The following SNTB2 variants were observed in gnomAD, a reference collection of about 807,000 sequenced individuals.
SNTB2 encodes syntrophin beta 2, also known as beta-2-syntrophin.
A neutral mutation model predicts 46.2 loss-of-function variants in SNTB2; 34 were observed. The observed-to-expected ratio is 0.74, with a 90% CI of 0.56 to 0.98. The LOEUF (loss-of-function observed/expected upper bound fraction) is 0.98, where lower values mean the gene tolerates loss of function less well. Among genes scored for constraint, SNTB2 ranks in the 50% least tolerant of loss-of-function variants. The probability of loss-of-function intolerance (pLI) is 0.00; values close to 1 mark genes in which losing one functional copy is unlikely to be tolerated. For synonymous variants in SNTB2, 290 were observed against 312.6 expected (o/e 0.93, Z 0.76); for missense variants, 603 against 731.4 (o/e 0.82, Z 2.02).
At chr16:69,232,502 C>CTTTTTTT (rs1032986410) in intron 1 of SNTB2, among the ~76,000 whole-genome samples, 2 of 63,884 alleles carry the variant, frequency 3.1e-5, no homozygotes, top group Non-Finnish European at 6.0e-5. Flanking sequence ...ACGGTGCGGC[C>CTTTTTTT]TTTTTTTTTT....
intron 2 of SNTB2, among the ~76,000 whole-genome samples, chr16:69,259,524 C>T (rs1470275541): frequency 7.9e-5 from 12 of 151,526 alleles, no homozygotes; most frequent in African/African-American, 2.4e-4. Context: ...AGTGAGCCAC[C>T]GTGCCCGGCC....
intron 4 of SNTB2, among the ~76,000 whole-genome samples, chr16:69,283,542 A>AAT (rs1276040336): frequency 6.6e-6 from 1 of 152,186 alleles, no homozygotes; most frequent in Admixed American, 6.5e-5. Flanking sequence ...TGATGCTAAA[A>AAT]ATATATATAT....
chr16:69,299,233 C>T (rs1310762445), intron 5 of SNTB2, among the ~76,000 whole-genome samples: 2 of 151,742 alleles, frequency 1.3e-5, no homozygotes, highest in Admixed American at 1.3e-4. Flanking sequence ...ACGTCCGCCT[C>T]CCGGGTGCAA....
At chr16:69,220,967 T>C (rs1416282537) in intron 1 of SNTB2, among the ~76,000 whole-genome samples, 1 of 152,218 alleles carries the variant, frequency 6.6e-6, no homozygotes, top group African/African-American at 2.4e-5. Flanking sequence ...AGAGCCAGTC[T>C]CTAGCAACCA....
intron 5 of SNTB2, among the ~76,000 whole-genome samples, chr16:69,296,672 A>G (rs1038174974): frequency 1.3e-5 from 2 of 149,872 alleles, no homozygotes; most frequent in African/African-American, 4.9e-5. Context: ...CAGTGAGCCG[A>G]GATCATGCCA....
In SNTB2 at chr16:69,276,456, G is replaced by A. The variant is rs112161410; in HGVS notation, c.1148+6171G>A. Among the ~76,000 whole-genome samples the A allele has an allele frequency of 7.9e-3, 1,209 of 152,296 alleles. 22 individuals are homozygous for A. The highest frequency in any genetic ancestry group is 0.026 in the African/African-American group (1,067 of 41,562). On this transcript the variant is annotated intron_variant, in intron 4 of 6. Coordinates refer to ENST00000336278, the MANE Select transcript of SNTB2 (RefSeq NM_006750.4). ...AGGAAAAAATTCTCTTAGACTTTACGTTTTTTAATGTCTGTTTTGGGATTA... is the reference window on the plus strand; with the variant it reads ...AGGAAAAAATTCTCTTAGACTTTACATTTTTTAATGTCTGTTTTGGGATTA...
intron 1 of SNTB2, among the ~76,000 whole-genome samples, chr16:69,215,243 G>A (rs1221905367): frequency 6.6e-6 from 1 of 152,162 alleles, no homozygotes; most frequent in Non-Finnish European, 1.5e-5. Context: ...AAATTAGCCA[G>A]GTGTGGTGAT....
At chr16:69,195,124 A>G (rs554967447) in intron 1 of SNTB2, among the ~76,000 whole-genome samples, 96 of 152,332 alleles carry the variant, frequency 6.3e-4, no homozygotes, top group Non-Finnish European at 1.1e-3. Flanking sequence ...TCATATTTTT[A>G]TAGGTAGAAC....
At chr16:69,265,007 T>C (rs1046073969) in intron 3 of SNTB2, among the ~76,000 whole-genome samples, 1 of 152,154 alleles carries the variant, frequency 6.6e-6, no homozygotes, top group African/African-American at 2.4e-5. Context: ...CCCAGCACTT[T>C]GGGAGGCCGA....
At chr16:69,219,628 A>G (rs1436843139) in intron 1 of SNTB2, among the ~76,000 whole-genome samples, 1 of 152,218 alleles carries the variant, frequency 6.6e-6, no homozygotes, top group African/African-American at 2.4e-5. Flanking sequence ...TGATTCTAGT[A>G]TATTTAAAAA....
intron 1 of SNTB2, among the ~76,000 whole-genome samples, chr16:69,239,091 C>G (rs557324501): frequency 1.9e-3 from 290 of 152,276 alleles, no homozygotes; most frequent in South Asian, 3.7e-3. Context: ...GTTAGTAACT[C>G]CTGTTACTGT....
intron 1 of SNTB2, among the ~76,000 whole-genome samples, chr16:69,226,089 C>T (rs1338478529): frequency 3.6e-5 from 5 of 139,990 alleles, no homozygotes; most frequent in African/African-American, 5.4e-5. Context: ...TTTGATTTTT[C>T]GAGAAGGAGT....
At chr16:69,296,934 G>A (rs1386806477) in intron 5 of SNTB2, among the ~76,000 whole-genome samples, 1 of 151,472 alleles carries the variant, frequency 6.6e-6, no homozygotes, top group African/African-American at 2.4e-5. Context: ...TTTGGGAGGT[G>A]GAGGTTGCAG....
intron 5 of SNTB2, among the ~76,000 whole-genome samples, chr16:69,299,002 CT>C (rs1965254039): frequency 6.6e-6 from 1 of 152,164 alleles, no homozygotes. Context: ...GACTGTGCCT[CT>C]TACTTCTCTA....
Position 69,199,595 on chromosome 16 carries a change from C to CAAAAAAAAAA in SNTB2, c.580+11856_580+11865dup, listed in dbSNP as rs60011703. Among the ~76,000 whole-genome samples, 17 of 76,862 alleles carry CAAAAAAAAAA rather than the reference C, an allele frequency of 2.2e-4. 1 individual carries two copies. The highest frequency in any genetic ancestry group is 7.9e-4 in the South Asian group (2 of 2,538). The allele number at this position is 76,862 out of a possible 152,430, so 50.4% of individuals were successfully genotyped here. On this transcript the variant is annotated intron_variant, in intron 1 of 6. Transcript: ENST00000336278. ...TGGACAACAGAGTGAAACACTGCCTCAAAAAAAAAAAAAAAAGGCGATCTT... is the reference window on the plus strand; with the variant it reads ...TGGACAACAGAGTGAAACACTGCCTCAAAAAAAAAAAAAAAAAAAAAAAAAAGGCGATCTT...
intron 1 of SNTB2, among the ~76,000 whole-genome samples, chr16:69,233,759 G>A (rs1238817160): frequency 6.6e-6 from 1 of 151,816 alleles, no homozygotes; most frequent in Non-Finnish European, 1.5e-5. Flanking sequence ...GATCACTTGA[G>A]GCCAGAAGTT....
intron 4 of SNTB2, among the ~76,000 whole-genome samples, chr16:69,279,819 C>A (rs1009067990): frequency 6.9e-6 from 1 of 144,716 alleles, no homozygotes; most frequent in Non-Finnish European, 1.5e-5. Context: ...TGAGCCACCA[C>A]GCCTGGCTGT....
rs1965316820 is a variant in SNTB2, at chr16:69,306,408, A to G, written c.*5484A>G. 6.6e-6 allele frequency: 1 copy of G among 152,230 alleles called. No individual in the cohort carries two copies. Among genetic ancestry groups the G allele is most frequent in the South Asian group, 2.1e-4 (1 of 4,832 alleles). 9.4% of individuals were successfully genotyped at this position (152,230 alleles called of 1,614,324 possible). On this transcript the variant is annotated 3_prime_UTR_variant, in exon 7 of 7. Coordinates refer to ENST00000336278, the MANE Select transcript of SNTB2 (RefSeq NM_006750.4). Reference sequence around the variant, plus strand: ...TCTTTCTTCCCACGTTGGGTGACTGAACTGATGCTTATTCTAGTTTTAGAA... The same window carrying G: ...TCTTTCTTCCCACGTTGGGTGACTGGACTGATGCTTATTCTAGTTTTAGAA...
intron 1 of SNTB2, among the ~76,000 whole-genome samples, chr16:69,208,096 G>T (rs1376417654): frequency 1.5e-5 from 2 of 130,112 alleles, no homozygotes; most frequent in Admixed American, 8.4e-5. Flanking sequence ...GTGACACAGT[G>T]AGACTTCATC....
Sources: allele counts gnomAD v4.1 joint callset (sites outside exome capture counted in the v4.1 genomes callset), GRCh38; gene constraint gnomAD v4.1.1; transcripts MANE v1.5; gene names NCBI Gene and HGNC (gene_info 2026-07-23, HGNC 2026-07-21).